GPATCH2L: variants seen among roughly 807,000 people sequenced by gnomAD.
GPATCH2L encodes G-patch domain containing 2 like.
In GPATCH2L, 31 loss-of-function variants were observed where a neutral mutation model predicts 57.4. That is an observed-to-expected ratio of 0.54 (90% CI 0.41 to 0.73). The LOEUF is 0.73. Ranked by LOEUF, GPATCH2L falls within the 30% of genes least tolerant of loss-of-function variation. The probability of loss-of-function intolerance (pLI) is 0.00; values close to 1 mark genes in which losing one functional copy is unlikely to be tolerated. For missense variants in GPATCH2L, 481 were observed against 599.9 expected, an observed-to-expected ratio of 0.80 and a Z score of 2.07; for synonymous variants, 199 against 210.7, an observed-to-expected ratio of 0.94 and a Z score of 0.48.
rs1252596282 is a variant in GPATCH2L, at chr14:76,204,363, A to C, written c.*2512A>C. ...ATGGGGAGAAAATTAGTTGCCTGAGAGAACAGAATATTAAGCACACAAATA... is the reference window on the plus strand; with the variant it reads ...ATGGGGAGAAAATTAGTTGCCTGAGCGAACAGAATATTAAGCACACAAATA... On this transcript the variant is annotated 3_prime_UTR_variant, in exon 10 of 10. Transcript: ENST00000261530. The C allele has an allele frequency of 2.0e-5, 3 of 152,258 alleles. No individual in the cohort carries two copies. Among genetic ancestry groups the C allele is most frequent in the Non-Finnish European group, 4.4e-5 (3 of 68,040 alleles). 9.4% of individuals were successfully genotyped at this position (152,258 alleles called of 1,614,324 possible). A position where few individuals can be genotyped will look rare whatever the true frequency, so the allele number is the denominator to read the frequency against.
At chr14:76,161,465 C>T (rs974942929) in intron 2 of GPATCH2L, among the ~76,000 whole-genome samples, 2 of 152,050 alleles carry the variant, frequency 1.3e-5, no homozygotes, top group Non-Finnish European at 2.9e-5. Context: ...AATTCTGTAC[C>T]TCCTTATTAT....
At position 76,211,053 on chromosome 14, in the gene GPATCH2L, A is replaced by C. The variant is rs2040434778; in HGVS notation, c.*9202A>C. On this transcript the variant is annotated 3_prime_UTR_variant, in exon 10 of 10. Coordinates refer to ENST00000261530, the MANE Select transcript of GPATCH2L (RefSeq NM_017926.4). ...TTAACTCAAACTGGGCAGTGGAAGA[A>C]GTAAAAAAAAACATTGAAAGAAATC... 1 of 152,236 alleles carries C rather than the reference A, an allele frequency of 6.6e-6. No homozygotes were observed. The allele number at this position is 152,236 out of a possible 1,614,324, so 9.4% of individuals were successfully genotyped here.
rs2038220277 is a variant in GPATCH2L, at chr14:76,154,762, G to T, written c.399G>T (p.Lys133Asn). ...CRPLRRRRKV[K>N]RVTSEVAASL... is the part of the protein sequence containing the mutation. ...CACTCAGGCGCAGGCGGAAGGTGAA[G>T]CGAGTGACATCAGAGGTGGCTGCTA... Residue 133 changes from lysine to asparagine, a missense_variant, in exon 2 of 10, where the codon AAG (lysine) becomes AAT (asparagine). Physicochemically the swap from Lys to Asn is moderately conservative, Grantham distance 94. Transcript: ENST00000261530. The surrounding 1 kb of genome is among the most constrained non-coding windows in gnomAD (Gnocchi z 4.4). The T allele has an allele frequency of 1.2e-6, 2 of 1,614,238 alleles. No homozygotes were observed. Among genetic ancestry groups the T allele is most frequent in the East Asian group, 4.5e-5 (2 of 44,888 alleles).
intron 1 of GPATCH2L, among the ~76,000 whole-genome samples, chr14:76,223,021 C>A (rs1255569056): frequency 6.6e-6 from 1 of 151,582 alleles, no homozygotes; most frequent in Non-Finnish European, 1.5e-5. Context: ...ACAAAAAAAT[C>A]CCCAGTCCAG....
chr14:76,159,993 G>C (rs1297312220), intron 2 of GPATCH2L, among the ~76,000 whole-genome samples: 6 of 152,096 alleles, frequency 3.9e-5, no homozygotes, highest in African/African-American at 7.2e-5. Context: ...ATTAGCCTTG[G>C]CGTGGTGGTG....
intron 6 of GPATCH2L, chr14:76,177,765 A>C: frequency 3.4e-6 from 2 of 585,516 alleles, no homozygotes; most frequent in Non-Finnish European, 6.0e-6. Flanking sequence ...CTCTGATTAC[A>C]TCTTTTCTCT....
intron 2 of GPATCH2L, among the ~76,000 whole-genome samples, chr14:76,235,310 G>A (rs998900779): frequency 6.6e-6 from 1 of 152,196 alleles, no homozygotes; most frequent in Non-Finnish European, 1.5e-5. Flanking sequence ...TGTTAAGGGT[G>A]GGGCAAGGTG....
chr14:76,165,653 T>C (rs1450057370), intron 2 of GPATCH2L, among the ~76,000 whole-genome samples: 1 of 152,216 alleles, frequency 6.6e-6, no homozygotes, highest in Admixed American at 6.5e-5. Context: ...GCATCTGGTA[T>C]TCAGAGACAA....
At chr14:76,170,020 C>G (rs2039014635) in intron 3 of GPATCH2L, among the ~76,000 whole-genome samples, 1 of 152,172 alleles carries the variant, frequency 6.6e-6, no homozygotes, top group Non-Finnish European at 1.5e-5. Context: ...AACAAGCCCT[C>G]CTGCTGCTTC....
At chr14:76,171,259 C>A (rs1364223385) in intron 3 of GPATCH2L, among the ~76,000 whole-genome samples, 2 of 150,322 alleles carry the variant, frequency 1.3e-5, no homozygotes, top group Non-Finnish European at 3.0e-5. Context: ...ATAAGGAGAC[C>A]CAGTTTCTAC....
intron 7 of GPATCH2L, chr14:76,179,638 A>G (rs541523600): frequency 6.6e-6 from 1 of 152,358 alleles, no homozygotes; most frequent in African/African-American, 2.4e-5. Context: ...TTGTATTCTC[A>G]TAAAACAAGT....
chr14:76,225,671 G>A (rs1828071596), intron 1 of GPATCH2L, among the ~76,000 whole-genome samples: 2 of 152,052 alleles, frequency 1.3e-5, no homozygotes, highest in Admixed American at 1.3e-4. Context: ...TAGTAAAAAA[G>A]CAAGCCACAA....
At chr14:76,223,872 C>G (rs1393398275) in intron 1 of GPATCH2L, among the ~76,000 whole-genome samples, 1 of 152,160 alleles carries the variant, frequency 6.6e-6, no homozygotes, top group Non-Finnish European at 1.5e-5. Flanking sequence ...ACTGAAACTA[C>G]AAGATGCCAC....
At chr14:76,176,837 C>A in intron 6 of GPATCH2L, 147 bp downstream of exon 6, 1 of 582,638 alleles carries the variant, frequency 1.7e-6, no homozygotes, top group Non-Finnish European at 3.1e-6. Context: ...AATATGGCAA[C>A]ATCCTAAACC....
At chr14:76,161,167 A>G (rs191384035) in intron 2 of GPATCH2L, among the ~76,000 whole-genome samples, 89 of 152,330 alleles carry the variant, frequency 5.8e-4, no homozygotes, top group African/African-American at 2.0e-3. Context: ...CCTGGAAAAA[A>G]ACTGGAAAAC....
At chr14:76,215,627 GA>G (rs1341476287), downstream of GPATCH2L, among the ~76,000 whole-genome samples, 11 of 151,742 alleles carry the variant, frequency 7.2e-5, no homozygotes, top group Non-Finnish European at 1.2e-4. Flanking sequence ...GGACATGGAT[GA>G]AATTGGAAAT....
intron 8 of GPATCH2L, 70 bp downstream of exon 8, chr14:76,180,919 T>TA: frequency 1.1e-6 from 1 of 914,870 alleles, no homozygotes; most frequent in Non-Finnish European, 1.8e-6. Flanking sequence ...CCCCTCAAAT[T>TA]ATAGAGTATG....
chr14:76,154,889 C>T lies in GPATCH2L; in HGVS notation c.526C>T (p.Pro176Ser). 2 of 1,614,174 alleles carry T rather than the reference C, an allele frequency of 1.2e-6. No individual in the cohort carries two copies. The highest frequency in any genetic ancestry group is 1.1e-5 in the South Asian group (1 of 91,080). The change falls in exon 2 of 10, where the codon CCC becomes TCC. Residue 176 changes from proline to serine, a missense_variant. Pro to Ser is a moderately conservative substitution (Grantham distance 74). This residue lies in a region of GPATCH2L where 208 missense variants were observed against 272.4 expected (regional missense o/e 0.76). Coordinates refer to ENST00000261530, the MANE Select transcript of GPATCH2L (RefSeq NM_017926.4). This position sits in a 1 kb window ranked among gnomAD's most constrained non-coding sequence, Gnocchi z 4.4. ...QRLSRWKENT[P>S]WTSSGHGLCE... ...TCTGTCCCGCTGGAAGGAGAATACT[C>T]CCTGGACCTCATCAGGCCACGGATT...
rs899163544 is a variant in GPATCH2L, at chr14:76,209,721, T to C, written c.*7870T>C. 1 of 152,224 alleles carries C rather than the reference T, an allele frequency of 6.6e-6. No individual in the cohort carries two copies. Among genetic ancestry groups the C allele is most frequent in the Non-Finnish European group, 1.5e-5 (1 of 68,046 alleles). 9.4% of individuals were successfully genotyped at this position (152,224 alleles called of 1,614,324 possible). On this transcript the variant is annotated 3_prime_UTR_variant, in exon 10 of 10. Coordinates refer to ENST00000261530, the MANE Select transcript of GPATCH2L (RefSeq NM_017926.4). The stretch of plus-strand genomic sequence containing the variant: ...TTGATTTTTATCAAAGAACTTTTTA[T>C]TGGGGCATCAGCACTAGCCCTATGA...
Sources: gnomAD v4.1 joint callset for allele counts (sites outside exome capture counted in the v4.1 genomes callset) on GRCh38, gnomAD v4.1.1 for gene constraint, gnomAD v4.1.1 regional missense constraint, Gnocchi (gnomAD v3.1) non-coding constraint, MANE v1.5 for transcripts, NCBI Gene and HGNC (gene_info 2026-07-23, HGNC 2026-07-21) for gene names.